DLGAP4: variants seen among roughly 807,000 people sequenced by gnomAD.
DLGAP4 encodes disks large-associated protein 4.
Under a neutral mutation model 86.9 loss-of-function variants are expected in DLGAP4, and 18 were observed. The observed-to-expected ratio is 0.21, with a 90% CI of 0.14 to 0.31. The LOEUF is 0.31. Among genes scored for constraint, DLGAP4 ranks in the 10% least tolerant of loss-of-function variants. The pLI is 1.00. For synonymous variants in DLGAP4, 548 were observed against 574.3 expected (o/e 0.95, Z 0.65); for missense variants, 1,085 against 1,362.6 (o/e 0.80, Z 3.21).
chr20:36,360,323 G>A (rs1555894119), intron 1 of DLGAP4, among the ~76,000 whole-genome samples: 1 of 152,154 alleles, frequency 6.6e-6, no homozygotes, highest in African/African-American at 2.4e-5. Context: ...GGTCCTCCAG[G>A]CCGTGTGGAG....
intron 7 of DLGAP4, among the ~76,000 whole-genome samples, chr20:36,453,951 A>G (rs1048269936): frequency 4.7e-5 from 7 of 149,552 alleles, no homozygotes; most frequent in South Asian, 2.1e-4. Flanking sequence ...AAAAAAAAAA[A>G]AAAAAGAAAG....
At chr20:36,345,173 T>TA (rs1304439680) in intron 1 of DLGAP4, among the ~76,000 whole-genome samples, 2 of 152,198 alleles carry the variant, frequency 1.3e-5, no homozygotes, top group African/African-American at 2.4e-5. Context: ...GGTTCCCAGG[T>TA]ATCAGCTGGC....
chr20:36,484,522 G>T (rs539449369), intron 7 of DLGAP4, among the ~76,000 whole-genome samples: 2 of 152,372 alleles, frequency 1.3e-5, no homozygotes, highest in African/African-American at 4.8e-5. Flanking sequence ...CCTGAAGGAG[G>T]GTGGCTGTCT....
intron 3 of DLGAP4, among the ~76,000 whole-genome samples, chr20:36,435,238 T>C (rs903887794): frequency 3.9e-5 from 6 of 152,168 alleles, no homozygotes; most frequent in Non-Finnish European, 7.4e-5. Context: ...GCACAGGCTG[T>C]GTGTGAGTGC....
chr20:36,435,070 C>T (rs531370088), intron 3 of DLGAP4, among the ~76,000 whole-genome samples: 1 of 151,066 alleles, frequency 6.6e-6, no homozygotes, highest in African/African-American at 2.5e-5. Context: ...GTATATGCTG[C>T]ATACTTGTGG....
At chr20:36,342,603 G>A (rs782551811) in intron 1 of DLGAP4, among the ~76,000 whole-genome samples, 13 of 152,238 alleles carry the variant, frequency 8.5e-5, no homozygotes, top group African/African-American at 3.1e-4. Context: ...GCAACTGTCT[G>A]AGCTCAGAGA....
rs1039522515 is a variant in DLGAP4, at chr20:36,438,427, C to A, written c.1242-1327C>A. On this transcript the variant is annotated intron_variant, in intron 4 of 12. Coordinates refer to ENST00000339266, the MANE Select transcript of DLGAP4 (RefSeq NM_001365621.2). Reference sequence around the variant, plus strand: ...TATGTATGTATATGTATATATTGCTCTCCCCTTGCTCATCAGCCCTCACAC... The same window carrying A: ...TATGTATGTATATGTATATATTGCTATCCCCTTGCTCATCAGCCCTCACAC... Among the ~76,000 whole-genome samples, 3 of 149,726 alleles carry A rather than the reference C, an allele frequency of 2.0e-5. No homozygotes were observed. In the Admixed American group the frequency reaches 2.0e-4, roughly 10 times the overall value.
chr20:36,324,303 T>C (rs1019459189), intron 1 of DLGAP4, among the ~76,000 whole-genome samples: 2 of 152,080 alleles, frequency 1.3e-5, no homozygotes, highest in Non-Finnish European at 2.9e-5. Context: ...GGCGGGCACC[T>C]GTAGTCCCAG....
chr20:36,463,264 A>G (rs920426991), intron 7 of DLGAP4, among the ~76,000 whole-genome samples: 1 of 152,194 alleles, frequency 6.6e-6, no homozygotes, highest in African/African-American at 2.4e-5. Flanking sequence ...CCTCTCTGTC[A>G]GTTTCCCTAT....
intron 10 of DLGAP4, among the ~76,000 whole-genome samples, chr20:36,522,261 C>A (rs2037424743): frequency 1.3e-5 from 2 of 152,110 alleles, no homozygotes; most frequent in Non-Finnish European, 2.9e-5. Flanking sequence ...TTCAAACAAT[C>A]CTCCCGCCCC....
intron 7 of DLGAP4, among the ~76,000 whole-genome samples, chr20:36,467,993 C>T (rs1324334865): frequency 6.6e-6 from 1 of 152,218 alleles, no homozygotes; most frequent in Non-Finnish European, 1.5e-5. Context: ...AAGGGAACTC[C>T]TGCTTTTAGG....
intron 7 of DLGAP4, among the ~76,000 whole-genome samples, chr20:36,463,873 T>C (rs1159907517): frequency 2.0e-5 from 3 of 152,180 alleles, no homozygotes; most frequent in Non-Finnish European, 4.4e-5. Flanking sequence ...TGAGATCAGC[T>C]GTTCAAGCGC....
chr20:36,493,230 C>T (rs566414985), intron 7 of DLGAP4: 2 of 152,326 alleles, frequency 1.3e-5, no homozygotes, highest in African/African-American at 4.8e-5. Flanking sequence ...AGTCTGGTTC[C>T]ACACTGCCCC....
chr20:36,454,174 A>ACTTGAAC (rs779044026), intron 7 of DLGAP4, among the ~76,000 whole-genome samples: 4 of 149,818 alleles, frequency 2.7e-5, no homozygotes, highest in Non-Finnish European at 5.9e-5. Context: ...CAGGAGAGTC[A>ACTTGAAC]CTTGAACCTG....
At chr20:36,346,464 G>T (rs1381847217) in intron 1 of DLGAP4, among the ~76,000 whole-genome samples, 1 of 152,244 alleles carries the variant, frequency 6.6e-6, no homozygotes, top group Non-Finnish European at 1.5e-5. Context: ...GCCTGAAAGA[G>T]TGGGACGGAT....
chr20:36,523,166 C>T (rs757667402), intron 10 of DLGAP4, among the ~76,000 whole-genome samples: 1 of 152,184 alleles, frequency 6.6e-6, no homozygotes, highest in Non-Finnish European at 1.5e-5. Context: ...CTCACCACAG[C>T]CTCTGCCTCC....
chr20:36,479,773 C>T (rs1397185175), intron 7 of DLGAP4, among the ~76,000 whole-genome samples: 3 of 151,976 alleles, frequency 2.0e-5, no homozygotes, highest in Admixed American at 6.6e-5. Context: ...TGCTACAGTG[C>T]GGTGTCGAGG....
chr20:36,447,931 C>A (rs2033640898), intron 7 of DLGAP4, among the ~76,000 whole-genome samples: 1 of 136,708 alleles, frequency 7.3e-6, no homozygotes, highest in Admixed American at 7.7e-5. Flanking sequence ...GGAGGGAGAG[C>A]ATTAGGACAA....
intron 8 of DLGAP4, chr20:36,499,172 T>TTGTG (rs569416459): frequency 4.7e-6 from 6 of 1,286,176 alleles, no homozygotes; most frequent in Non-Finnish European, 6.5e-6. Context: ...GGCTGTGGCT[T>TTGTG]TGTGTGTGTG....
Sources: allele counts gnomAD v4.1 joint callset (sites outside exome capture counted in the v4.1 genomes callset), GRCh38; gene constraint gnomAD v4.1.1; transcripts MANE v1.5; gene names NCBI Gene and HGNC (gene_info 2026-07-23, HGNC 2026-07-21).